The following PIEZO2 variants were observed in gnomAD, a reference collection of about 807,000 sequenced individuals.
The protein encoded by PIEZO2 is piezo type mechanosensitive ion channel component 2.
PIEZO2 carries 172 observed loss-of-function variants against 337.3 expected under a neutral mutation model. The observed-to-expected ratio is 0.51, with a 90% CI of 0.45 to 0.58. The LOEUF is 0.58. PIEZO2 is among the 20% of genes least tolerant of loss of function. PIEZO2 has a pLI of 0.00. For synonymous variants in PIEZO2, 1,251 were observed against 1,228.5 expected, an observed-to-expected ratio of 1.02 and a Z score of -0.38; for missense variants, 3,028 against 3,391.3, an observed-to-expected ratio of 0.89 and a Z score of 2.66.
chr18:10,897,998 A>C (rs936618920), intron 4 of PIEZO2, among the ~76,000 whole-genome samples: 3 of 152,220 alleles, frequency 2.0e-5, no homozygotes, highest in Non-Finnish European at 4.4e-5. Flanking sequence ...GCAGACAAAA[A>C]AATTTAACAT....
Position 10,895,727 on chromosome 18 carries a change from G to A in PIEZO2, c.329+15459C>T, listed in dbSNP as rs1247606551. 3.3e-5 allele frequency among the ~76,000 whole-genome samples: 5 copies of A among 152,144 alleles called. No homozygotes were observed. The highest frequency in any genetic ancestry group is 4.4e-5 in the Non-Finnish European group (3 of 68,038). On this transcript the variant is annotated intron_variant, in intron 4 of 55. Coordinates refer to ENST00000674853, the MANE Select transcript of PIEZO2 (RefSeq NM_001378183.1). This position sits in a 1 kb window ranked among gnomAD's most constrained non-coding sequence, Gnocchi z 4.8. ...CTACCCAATGGACTACCAGCAACAG[G>A]TGTAATGGGTGCTGATGATGTTGTT...
intron 4 of PIEZO2, among the ~76,000 whole-genome samples, chr18:10,873,930 C>T (rs2042201789): frequency 1.3e-5 from 2 of 151,890 alleles, no homozygotes; most frequent in Non-Finnish European, 2.9e-5. Flanking sequence ...TTGGGTAAGA[C>T]CTCAAAAGCA....
intron 3 of PIEZO2, among the ~76,000 whole-genome samples, chr18:10,918,977 A>T (rs1473925565): frequency 6.6e-6 from 1 of 152,096 alleles, no homozygotes; most frequent in African/African-American, 2.4e-5. Flanking sequence ...AATTATAAGT[A>T]TATGTAAAAT....
intron 3 of PIEZO2, among the ~76,000 whole-genome samples, chr18:10,939,752 C>T (rs1410108089): frequency 6.6e-6 from 1 of 152,092 alleles, no homozygotes; most frequent in Non-Finnish European, 1.5e-5. Context: ...GAACAGCACA[C>T]ACTGTGGCCT....
intron 36 of PIEZO2, among the ~76,000 whole-genome samples, chr18:10,730,065 ATG>A (rs1441813601): frequency 2.0e-5 from 3 of 152,252 alleles, no homozygotes; most frequent in Admixed American, 2.0e-4. Context: ...GCTCTTAGAC[ATG>A]TGTGTTTGTG....
At chr18:11,058,739 G>GA (rs2037822825) in intron 2 of PIEZO2, among the ~76,000 whole-genome samples, 1 of 152,162 alleles carries the variant, frequency 6.6e-6, no homozygotes. Context: ...AGAATAAAAA[G>GA]AAACGAACAA....
chr18:10,680,436 T>A, intron 51 of PIEZO2, 65 bp from the exon 52 acceptor site: 2 of 1,415,726 alleles, frequency 1.4e-6, no homozygotes. Context: ...AAGAAAGCAG[T>A]CACTCTTCCT....
Position 10,700,615 on chromosome 18 carries a change from TA to T in PIEZO2, c.6441+1373del, listed in dbSNP as rs1414657874. The stretch of plus-strand genomic sequence containing the variant: ...AGTGCCTAAAGAGTTATAATAATTT[TA>T]AATGATACAAAAGAATGTAAAGGTT... On this transcript the variant is annotated intron_variant, in intron 43 of 55. Transcript: ENST00000674853. Among the ~76,000 whole-genome samples the T allele has an allele frequency of 3.9e-5, 6 of 152,242 alleles. No homozygotes were observed. The East Asian group carries it at 1.2e-3, about 29-fold the overall frequency.
intron 1 of PIEZO2, among the ~76,000 whole-genome samples, chr18:11,145,047 AT>A (rs1278242847): frequency 6.6e-6 from 1 of 152,224 alleles, no homozygotes; most frequent in Admixed American, 6.5e-5. Flanking sequence ...TATGTGTAAA[AT>A]GTTCAATAAT....
rs796169246 is a variant in PIEZO2 at position 10,886,386 on chromosome 18, A to G, written c.330-14971T>C. Among the ~76,000 whole-genome samples the G allele has an allele frequency of 1.0e-3, 25 of 24,924 alleles. 1 individual carries two copies. The highest frequency in any genetic ancestry group is 1.4e-3 in the Non-Finnish European group (20 of 14,598). 16.4% of individuals were successfully genotyped at this position (24,924 alleles called of 152,430 possible). On this transcript the variant is annotated intron_variant, in intron 4 of 55. Transcript: ENST00000674853. The stretch of plus-strand genomic sequence containing the variant: ...CATATATATGTGTGTGTGTGTATAT[A>G]TATATATATATATATATATATATAT...
Position 10,682,206 on chromosome 18 carries a change from A to G in PIEZO2, c.7584T>C (p.Ile2528=). ...ACATGAAGAGAAGAGGAAACCAGAC[A>G]ATGCAGATGAGCAGGACGATGATCA... The part of the protein sequence containing the change: ...GGMIIVLLIC[I]VWFPLLFMSL... Residue 2528 remains isoleucine (I), a synonymous_variant, in exon 50 of 56, where the codon ATT becomes ATC. Transcript: ENST00000674853. The surrounding 1 kb of genome is among the most constrained non-coding windows in gnomAD (Gnocchi z 5.6). 6.5e-7 allele frequency: 1 copy of G among 1,537,234 alleles called. No homozygotes were observed. Among genetic ancestry groups the G allele is most frequent in the Non-Finnish European group, 8.7e-7 (1 of 1,146,902 alleles).
At chr18:10,917,413 G>C (rs2031066651) in intron 3 of PIEZO2, among the ~76,000 whole-genome samples, 1 of 152,060 alleles carries the variant, frequency 6.6e-6, no homozygotes, top group African/African-American at 2.4e-5. Flanking sequence ...ATCATCACTG[G>C]AAAAGAAGAC....
At position 10,713,370 on chromosome 18, in the gene PIEZO2, C is replaced by T. The variant is rs1384476402; in HGVS notation, c.5423+1394G>A. ...AACTTTTTGGTTTTTTTTTTACCCA[C>T]ATTCCTCACTCAGTTTGTAATTCCA... On this transcript the variant is annotated intron_variant, in intron 39 of 55. Coordinates refer to ENST00000674853, the MANE Select transcript of PIEZO2 (RefSeq NM_001378183.1). This position sits in a 1 kb window ranked among gnomAD's most constrained non-coding sequence, Gnocchi z 4.5. Among the ~76,000 whole-genome samples, 1 of 151,994 alleles carries T rather than the reference C, an allele frequency of 6.6e-6. No individual in the cohort carries two copies. Among genetic ancestry groups the T allele is most frequent in the Non-Finnish European group, 1.5e-5 (1 of 67,998 alleles).
At position 10,815,626 on chromosome 18, in the gene PIEZO2, T is replaced by G. The variant is rs1426657954; in HGVS notation, c.918-8352A>C. The stretch of plus-strand genomic sequence containing the variant: ...TCTTCCTTGTATAAAAGTATAGATG[T>G]ATATAGTTCAAGCTAGAATGATACA... On this transcript the variant is annotated intron_variant, in intron 7 of 55. Transcript: ENST00000674853. The surrounding 1 kb of genome is among the most constrained non-coding windows in gnomAD (Gnocchi z 4.1). Among the ~76,000 whole-genome samples the G allele has an allele frequency of 1.3e-5, 2 of 152,224 alleles. No individual in the cohort carries two copies. The highest frequency in any genetic ancestry group is 4.8e-5 in the African/African-American group (2 of 41,456).
intron 26 of PIEZO2, among the ~76,000 whole-genome samples, chr18:10,758,372 T>A (rs1441562575): frequency 6.6e-6 from 1 of 152,186 alleles, no homozygotes; most frequent in Non-Finnish European, 1.5e-5. Context: ...AGTCTCTGAA[T>A]TTTGTTTGCA....
intron 32 of PIEZO2, among the ~76,000 whole-genome samples, 176 bp downstream of exon 32, chr18:10,742,318 A>AAATGATTTGATAAAT (rs2037257264): frequency 6.6e-6 from 1 of 152,254 alleles, no homozygotes; most frequent in Admixed American, 6.5e-5. Context: ...TCAAATACAT[A>AAATGATTTGATAAAT]CTTTATGAAA....
intron 5 of PIEZO2, among the ~76,000 whole-genome samples, chr18:10,865,656 G>A (rs535085732): frequency 6.6e-6 from 1 of 152,288 alleles, no homozygotes; most frequent in South Asian, 2.1e-4. Context: ...CCAAACATAT[G>A]ACCAATATTT....
intron 2 of PIEZO2, among the ~76,000 whole-genome samples, chr18:11,056,613 T>C (rs1228660139): frequency 6.6e-6 from 1 of 152,098 alleles, no homozygotes; most frequent in African/African-American, 2.4e-5. Flanking sequence ...CCAAAAGGAA[T>C]GTTGAAGCAA....
At chr18:10,764,272 C>T (rs996018911) in intron 21 of PIEZO2, among the ~76,000 whole-genome samples, 1 of 152,124 alleles carries the variant, frequency 6.6e-6, no homozygotes, top group Non-Finnish European at 1.5e-5. Flanking sequence ...TTTGATACAA[C>T]TAAACATGTA....
Sources: gnomAD v4.1 joint callset for allele counts (sites outside exome capture counted in the v4.1 genomes callset) on GRCh38, gnomAD v4.1.1 for gene constraint, Gnocchi (gnomAD v3.1) non-coding constraint, MANE v1.5 for transcripts, NCBI Gene and HGNC (gene_info 2026-07-23, HGNC 2026-07-21) for gene names.